The following CCSER1 variants were observed in gnomAD, a reference collection of about 807,000 sequenced individuals.
CCSER1 encodes the protein coiled-coil serine rich protein 1, also known as serine-rich coiled-coil domain-containing protein 1.
Under a neutral mutation model 82.0 loss-of-function variants are expected in CCSER1, and 41 were observed. That is an observed-to-expected ratio of 0.50 (90% CI 0.39 to 0.65). The LOEUF (loss-of-function observed/expected upper bound fraction) is 0.65. Ranked by LOEUF, CCSER1 falls within the 30% of genes least tolerant of loss-of-function variation. The pLI is 0.00. For synonymous variants in CCSER1, 414 were observed against 383.9 expected (o/e 1.08, Z -0.92); for missense variants, 1,119 against 1,064.2 (o/e 1.05, Z -0.72).
intron 1 of CCSER1, among the ~76,000 whole-genome samples, chr4:90,220,388 A>G (rs1204479889): frequency 6.6e-6 from 1 of 151,548 alleles, no homozygotes; most frequent in South Asian, 2.1e-4. Context: ...TTATTCTTCT[A>G]TGATTTTTTT....
At chr4:90,489,115 G>A (rs1395326838) in intron 5 of CCSER1, among the ~76,000 whole-genome samples, 1 of 152,090 alleles carries the variant, frequency 6.6e-6, no homozygotes, top group Non-Finnish European at 1.5e-5. Flanking sequence ...TCATGATTAA[G>A]TTTTCTCTGA....
rs11438395 is a variant in CCSER1 at position 90,210,450 on chromosome 4, CT to C, written c.-42+82631del. 2.4e-3 allele frequency among the ~76,000 whole-genome samples: 345 copies of C among 141,238 alleles called. 1 individual carries two copies. Among genetic ancestry groups the C allele is most frequent in the South Asian group, 0.016 (74 of 4,532 alleles). 92.7% of individuals were successfully genotyped at this position (141,238 alleles called of 152,430 possible). Reference sequence around the variant, plus strand: ...CATTTCTTTTCTTTTCTTTTCTTTTCTTTTTTTTTTTTGGACAGGATTTCAC... The same window carrying C: ...CATTTCTTTTCTTTTCTTTTCTTTTCTTTTTTTTTTTGGACAGGATTTCAC... On this transcript the variant is annotated intron_variant, in intron 1 of 10. Coordinates refer to ENST00000509176, the MANE Select transcript of CCSER1 (RefSeq NM_001145065.2).
intron 10 of CCSER1, among the ~76,000 whole-genome samples, chr4:91,356,537 T>A (rs763053480): frequency 9.9e-5 from 15 of 152,140 alleles, no homozygotes; most frequent in Admixed American, 3.3e-4. Context: ...CTTATTATTA[T>A]TTTTTTTCCT....
At chr4:90,441,295 A>G (rs1308050000) in intron 4 of CCSER1, among the ~76,000 whole-genome samples, 2 of 152,270 alleles carry the variant, frequency 1.3e-5, no homozygotes, top group Admixed American at 6.5e-5. Context: ...ACAAAATAGC[A>G]TAGACTAAGT....
chr4:91,494,394 GAT>G (rs1758702935), intron 10 of CCSER1, among the ~76,000 whole-genome samples: 1 of 151,734 alleles, frequency 6.6e-6, no homozygotes, highest in Non-Finnish European at 1.5e-5. Context: ...TAATGAGTAT[GAT>G]GTAATACACA....
intron 7 of CCSER1, among the ~76,000 whole-genome samples, chr4:90,778,540 A>AAAAAG (rs1554011718): frequency 6.6e-6 from 1 of 150,812 alleles, no homozygotes; most frequent in African/African-American, 2.4e-5. Flanking sequence ...AAAAAAAAAA[A>AAAAAG]CACAAAAAGA....
chr4:90,444,691 A>G (rs182661273), intron 4 of CCSER1, among the ~76,000 whole-genome samples: 22 of 152,158 alleles, frequency 1.4e-4, no homozygotes, highest in African/African-American at 5.3e-4. Context: ...CTTGTCACAC[A>G]TTTTGCCATC....
intron 10 of CCSER1, among the ~76,000 whole-genome samples, chr4:91,096,977 C>T (rs943928970): frequency 3.9e-5 from 6 of 152,136 alleles, no homozygotes; most frequent in East Asian, 1.9e-4. Flanking sequence ...GATCAGGCCA[C>T]GCTTCCACTT....
At chr4:91,323,884 C>A (rs1018970550) in intron 10 of CCSER1, among the ~76,000 whole-genome samples, 13 of 152,164 alleles carry the variant, frequency 8.5e-5, no homozygotes, top group Admixed American at 3.9e-4. Flanking sequence ...AGGAAATTTT[C>A]TTTCTGTTTC....
At position 90,241,271 on chromosome 4, in the gene CCSER1, T is replaced by G. The variant is rs1330466956; in HGVS notation, c.-41-66973T>G. Among the ~76,000 whole-genome samples the G allele has an allele frequency of 2.6e-5, 4 of 152,324 alleles. No individual in the cohort carries two copies. The East Asian group carries it at 7.7e-4, about 29-fold the overall frequency. ...TGCTTTATAGGTGCTATCATTTACT[T>G]TCATGTTCATATACTGTTGTAATCA... On this transcript the variant is annotated intron_variant, in intron 1 of 10. Transcript: ENST00000509176.
At chr4:91,523,615 G>T (rs145964393) in intron 10 of CCSER1, among the ~76,000 whole-genome samples, 8,175 of 152,174 alleles carry the variant, frequency 0.054, 232 homozygotes, top group Middle Eastern at 0.079. Flanking sequence ...GGGTATATGT[G>T]TCCAGGAATT....
intron 1 of CCSER1, among the ~76,000 whole-genome samples, chr4:90,164,437 C>CA (rs1730074376): frequency 6.6e-6 from 1 of 151,874 alleles, no homozygotes; most frequent in African/African-American, 2.4e-5. Flanking sequence ...TGCTGTTGGA[C>CA]AAAAAAGAAT....
intron 9 of CCSER1, among the ~76,000 whole-genome samples, chr4:91,054,247 ACC>A (rs913161799): frequency 5.3e-5 from 8 of 152,260 alleles, no homozygotes; most frequent in African/African-American, 1.9e-4. Flanking sequence ...AGCACCCTAG[ACC>A]CAGGCCAGGC....
chr4:90,507,498 C>G (rs758336990), intron 5 of CCSER1, among the ~76,000 whole-genome samples: 16 of 151,420 alleles, frequency 1.1e-4, no homozygotes, highest in Non-Finnish European at 1.8e-4. Context: ...TCTTTCTGGA[C>G]AAGAGAAATT....
At chr4:91,161,880 A>G (rs1309954660) in intron 10 of CCSER1, among the ~76,000 whole-genome samples, 3 of 152,120 alleles carry the variant, frequency 2.0e-5, no homozygotes, top group Admixed American at 2.0e-4. Context: ...GTCATCTGCA[A>G]ACAGTGACAA....
intron 1 of CCSER1, chr4:90,234,907 T>A (rs1745481747): frequency 6.6e-6 from 1 of 152,154 alleles, no homozygotes; most frequent in Non-Finnish European, 1.5e-5. Flanking sequence ...CCATTATGTT[T>A]CCTCAACTTT....
At chr4:90,710,916 T>C (rs1425027204) in intron 6 of CCSER1, among the ~76,000 whole-genome samples, 1 of 152,120 alleles carries the variant, frequency 6.6e-6, no homozygotes, top group Non-Finnish European at 1.5e-5. Context: ...AAACTACTTT[T>C]GGGAAGTATG....
intron 4 of CCSER1, among the ~76,000 whole-genome samples, chr4:90,422,764 A>T (rs377417903): frequency 1.9e-4 from 29 of 152,300 alleles, no homozygotes; most frequent in East Asian, 1.5e-3. Context: ...AACATTACAG[A>T]AGCATCTTCA....
At chr4:90,740,696 A>T (rs1216352002) in intron 7 of CCSER1, among the ~76,000 whole-genome samples, 1 of 151,780 alleles carries the variant, frequency 6.6e-6, no homozygotes, top group Non-Finnish European at 1.5e-5. Flanking sequence ...TCACACATTC[A>T]TTTTCTGTCT....
Sources: allele counts gnomAD v4.1 joint callset (sites outside exome capture counted in the v4.1 genomes callset), GRCh38; gene constraint gnomAD v4.1.1; transcripts MANE v1.5; gene names NCBI Gene and HGNC (gene_info 2026-07-23, HGNC 2026-07-21).